The following ZFAND4 variants were observed in gnomAD, a reference collection of about 807,000 sequenced individuals.
ZFAND4 encodes the protein zinc finger AN1-type containing 4, also known as AN1-type zinc finger protein 4.
Under a neutral mutation model 64.4 loss-of-function variants are expected in ZFAND4, and 43 were observed. The ratio of observed to expected loss-of-function variants is 0.67; its 90% confidence interval spans 0.52 to 0.86. The LOEUF (loss-of-function observed/expected upper bound fraction) is 0.86. ZFAND4 is among the 40% of genes least tolerant of loss of function. The pLI, the probability that ZFAND4 is intolerant of heterozygous loss-of-function variation, is 0.00. For missense variants in ZFAND4, 929 were observed against 859.8 expected, an observed-to-expected ratio of 1.08 and a Z score of -1.01; for synonymous variants, 296 against 305.7, an observed-to-expected ratio of 0.97 and a Z score of 0.33.
At chr10:45,642,559 G>A (rs1230312576) in intron 5 of ZFAND4, among the ~76,000 whole-genome samples, 6 of 138,174 alleles carry the variant, frequency 4.3e-5, no homozygotes, top group African/African-American at 1.6e-4. Flanking sequence ...AGTGAGCCGA[G>A]ATCACACCAG....
intron 5 of ZFAND4, among the ~76,000 whole-genome samples, chr10:45,646,136 T>C (rs1363151748): frequency 6.6e-6 from 1 of 152,216 alleles, no homozygotes; most frequent in Admixed American, 6.5e-5. Flanking sequence ...AAGAATTCCA[T>C]TCTTCTCTGG....
chr10:45,619,008 G>A (rs1302505248), intron 8 of ZFAND4, among the ~76,000 whole-genome samples: 2 of 151,788 alleles, frequency 1.3e-5, no homozygotes, highest in African/African-American at 4.8e-5. Context: ...TTAAAAATAA[G>A]AGCACATCTG....
rs1303277526 is a variant in ZFAND4 at position 45,651,902 on chromosome 10, TA to T, written c.328+63del. 4.2e-6 allele frequency: 6 copies of T among 1,444,228 alleles called. No homozygotes were observed. The African/African-American group carries it at 8.4e-5, about 20-fold the overall frequency. 89.5% of individuals were successfully genotyped at this position (1,444,228 alleles called of 1,614,324 possible). ...GAAACCTAAATAAAACCTGAGGCTATAAAAATACTAACTGACATAAAGAATG... is the reference window on the plus strand; with the variant it reads ...GAAACCTAAATAAAACCTGAGGCTATAAAATACTAACTGACATAAAGAATG... On this transcript the variant is annotated intron_variant, in intron 4 of 9. Transcript: ENST00000344646.
intron 8 of ZFAND4, among the ~76,000 whole-genome samples, chr10:45,621,935 A>G (rs1302246722): frequency 6.6e-6 from 1 of 152,230 alleles, no homozygotes; most frequent in Non-Finnish European, 1.5e-5. Context: ...ATTGTCAGTG[A>G]CCACGGCAAT....
intron 4 of ZFAND4, among the ~76,000 whole-genome samples, chr10:45,649,508 A>C (rs2047619772): frequency 6.6e-6 from 1 of 152,226 alleles, no homozygotes; most frequent in Admixed American, 6.5e-5. Context: ...ACAACCCTTT[A>C]AAAAGAAGTT....
At position 45,615,795 on chromosome 10, in the gene ZFAND4, C is replaced by T. The variant is rs1487163685; in HGVS notation, c.*641G>A. 1.3e-5 allele frequency: 2 copies of T among 151,928 alleles called. No individual in the cohort carries two copies. The highest frequency in any genetic ancestry group is 1.9e-4 in the East Asian group (1 of 5,202). 9.4% of individuals were successfully genotyped at this position (151,928 alleles called of 1,614,324 possible). A position where few individuals can be genotyped will look rare whatever the true frequency, so the allele number is the denominator to read the frequency against. On this transcript the variant is annotated 3_prime_UTR_variant, in exon 10 of 10. Transcript: ENST00000344646. Reference sequence around the variant, plus strand: ...AGTAAAATATACACTATCATGAACACGATGTGTTTTATAGAATGGATTCAT... The same window carrying T: ...AGTAAAATATACACTATCATGAACATGATGTGTTTTATAGAATGGATTCAT...
intron 8 of ZFAND4, among the ~76,000 whole-genome samples, chr10:45,622,890 G>A (rs1264974030): frequency 6.6e-6 from 1 of 151,700 alleles, no homozygotes; most frequent in East Asian, 1.9e-4. Flanking sequence ...CTTTAATAAA[G>A]CTGGATACAG....
At chr10:45,660,174 A>G (rs926082386) in intron 2 of ZFAND4, among the ~76,000 whole-genome samples, 21 of 151,664 alleles carry the variant, frequency 1.4e-4, no homozygotes, top group Admixed American at 8.5e-4. Flanking sequence ...AAAAAAAAAA[A>G]AAAAGAAAAA....
At chr10:45,671,139 C>T (rs901778609) in intron 1 of ZFAND4, among the ~76,000 whole-genome samples, 5 of 152,238 alleles carry the variant, frequency 3.3e-5, no homozygotes, top group Admixed American at 2.6e-4. Flanking sequence ...GATACCATCT[C>T]ACACCAGTTA....
At position 45,648,549 on chromosome 10, in the gene ZFAND4, T is replaced by C. The variant is rs930240368; in HGVS notation, c.329-15A>G. 5.7e-6 allele frequency: 9 copies of C among 1,583,324 alleles called. No homozygotes were observed. The highest frequency in any genetic ancestry group is 4.1e-5 in the African/African-American group (3 of 73,776). On this transcript the variant is annotated splice_polypyrimidine_tract_variant and intron_variant, in intron 4 of 9. Coordinates refer to ENST00000344646, the MANE Select transcript of ZFAND4 (RefSeq NM_174890.4). ...GTCTGTAGGAACTACAAATGGAAAA[T>C]TGAAATAAGTCTTCAATTTGGATCA...
chr10:45,665,321 C>T (rs1258960416), intron 1 of ZFAND4, among the ~76,000 whole-genome samples: 2 of 152,024 alleles, frequency 1.3e-5, no homozygotes, highest in African/African-American at 4.8e-5. Context: ...GGGCGGATCA[C>T]CTGAGGTCAG....
At chr10:45,656,624 T>G (rs1231051145) in intron 2 of ZFAND4, among the ~76,000 whole-genome samples, 2 of 151,178 alleles carry the variant, frequency 1.3e-5, no homozygotes, top group Non-Finnish European at 3.0e-5. Context: ...CGACAAAAAT[T>G]TGAAAAGACG....
chr10:45,624,463 A>C (rs2045652469), intron 8 of ZFAND4, 120 bp downstream of exon 8: 1 of 785,124 alleles, frequency 1.3e-6, no homozygotes, highest in African/African-American at 1.8e-5. Flanking sequence ...ATTTAGAGAC[A>C]GAATTTACTC....
intron 8 of ZFAND4, among the ~76,000 whole-genome samples, chr10:45,621,515 G>A (rs1370988574): frequency 6.6e-6 from 1 of 151,752 alleles, no homozygotes. Flanking sequence ...GGCTGAGGTG[G>A]GCGGATCCCG....
At chr10:45,672,221 G>C (rs1046659087) in intron 1 of ZFAND4, 29 bp downstream of exon 1, 3 of 152,296 alleles carry the variant, frequency 2.0e-5, no homozygotes, top group African/African-American at 7.2e-5. Context: ...TTCAGAGCCA[G>C]CATCTCCTCG....
chr10:45,640,442 A>C (rs1250520137), intron 5 of ZFAND4: 4 of 1,198,310 alleles, frequency 3.3e-6, no homozygotes, highest in Non-Finnish European at 3.2e-6. Flanking sequence ...AAAAAAAAAA[A>C]GAATTCATAC....
At chr10:45,662,925 C>T (rs1252136753) in intron 2 of ZFAND4, among the ~76,000 whole-genome samples, 2 of 152,002 alleles carry the variant, frequency 1.3e-5, no homozygotes, top group African/African-American at 4.8e-5. Context: ...AAATGGCAAA[C>T]ATTACTTATT....
rs570365335 is a variant in ZFAND4 at position 45,624,176 on chromosome 10, T to C, written c.1927+407A>G. On this transcript the variant is annotated intron_variant, in intron 8 of 9. Transcript: ENST00000344646. ...TCCCTTTCTTTTATCCAGAAATGAC[T>C]AGTTCATCAAAAAGAGATTCTTACC... Among the ~76,000 whole-genome samples the C allele has an allele frequency of 3.9e-5, 6 of 152,294 alleles. No homozygotes were observed. In the East Asian group the frequency reaches 1.2e-3, roughly 29 times the overall value.
At chr10:45,622,016 G>A (rs2045464789) in intron 8 of ZFAND4, among the ~76,000 whole-genome samples, 2 of 152,144 alleles carry the variant, frequency 1.3e-5, no homozygotes, top group African/African-American at 4.8e-5. Flanking sequence ...GAGTAGGGAT[G>A]GGTGCAATGC....
Sources: gnomAD v4.1 joint callset for allele counts (sites outside exome capture counted in the v4.1 genomes callset) on GRCh38, gnomAD v4.1.1 for gene constraint, MANE v1.5 for transcripts, NCBI Gene and HGNC (gene_info 2026-07-23, HGNC 2026-07-21) for gene names.